The following TENM3 variants were observed in gnomAD, a reference collection of about 807,000 sequenced individuals.
TENM3 encodes teneurin transmembrane protein 3.
TENM3 carries 63 observed loss-of-function variants against 255.1 expected under a neutral mutation model. The ratio of observed to expected loss-of-function variants is 0.25; its 90% CI spans 0.20 to 0.30. TENM3 has a LOEUF of 0.30. Among genes scored for constraint, TENM3 ranks in the 10% least tolerant of loss-of-function variants. TENM3 has a pLI of 1.00. For missense variants in TENM3, 2,929 were observed against 3,461.1 expected, an observed-to-expected ratio of 0.85 and a Z score of 3.86; for synonymous variants, 1,306 against 1,322.3, an observed-to-expected ratio of 0.99 and a Z score of 0.27.
intron 3 of TENM3, among the ~76,000 whole-genome samples, chr4:182,456,280 C>T (rs892999259): frequency 2.6e-5 from 4 of 152,160 alleles, no homozygotes; most frequent in Non-Finnish European, 5.9e-5. Context: ...TCAAACAACA[C>T]AGGTTATTTT....
In TENM3 at chr4:182,332,902, A is replaced by G. The variant is rs922879879; in HGVS notation, c.232+8650A>G. Among the ~76,000 whole-genome samples, 7 of 152,176 alleles carry G rather than the reference A, an allele frequency of 4.6e-5. No homozygotes were observed. The East Asian group carries it at 5.8e-4, about 13-fold the overall frequency. The stretch of plus-strand genomic sequence containing the variant: ...ATGAGAACAAAAATAAGACATCCTA[A>G]AAAGACTGTAACAACTAAGAGGTGC... On this transcript the variant is annotated intron_variant, in intron 2 of 27. Coordinates refer to ENST00000511685, the MANE Select transcript of TENM3 (RefSeq NM_001080477.4).
intron 1 of TENM3, among the ~76,000 whole-genome samples, chr4:182,202,236 G>A (rs1464744936): frequency 1.3e-5 from 2 of 151,958 alleles, no homozygotes; most frequent in Admixed American, 6.6e-5. Context: ...ATTCTAAAAC[G>A]GATTGGAAGT....
At chr4:182,210,618 G>GTTTTTTTTTT (rs58035061) in intron 1 of TENM3, among the ~76,000 whole-genome samples, 1 of 132,288 alleles carries the variant, frequency 7.6e-6, no homozygotes, top group African/African-American at 2.8e-5. Flanking sequence ...CCCCTCTCTA[G>GTTTTTTTTTT]TTTTTTTTTT....
At chr4:182,182,514 C>A (rs1472114846) in intron 1 of TENM3, among the ~76,000 whole-genome samples, 1 of 152,158 alleles carries the variant, frequency 6.6e-6, no homozygotes, top group African/African-American at 2.4e-5. Flanking sequence ...GGTTCTGATA[C>A]AGGCATAGCG....
At chr4:181,882,861 C>T in the TENM3 span, among the ~76,000 whole-genome samples, 5 of 152,100 alleles carry the variant, frequency 3.3e-5, no homozygotes, top group African/African-American at 1.2e-4. Context: ...GAAGTAATGA[C>T]TTATAATCAT....
At chr4:181,787,542 G>A in the TENM3 span, among the ~76,000 whole-genome samples, 1 of 152,016 alleles carries the variant, frequency 6.6e-6, no homozygotes, top group African/African-American at 2.4e-5. Flanking sequence ...GTTTCACCAT[G>A]TTGGCCAGAC....
chr4:182,731,812 C>T (rs10034247), intron 16 of TENM3, among the ~76,000 whole-genome samples: 15 of 146,460 alleles, frequency 1.0e-4, no homozygotes, highest in South Asian at 8.7e-4. Context: ...GACGGAGTCT[C>T]GCTCTGTCGC....
At chr4:182,493,161 T>C (rs1735460779) in intron 3 of TENM3, among the ~76,000 whole-genome samples, 1 of 152,074 alleles carries the variant, frequency 6.6e-6, no homozygotes, top group East Asian at 1.9e-4. Context: ...TGGCCTTCTT[T>C]TGTGTGAGCT....
chr4:181,516,859 A>T, the TENM3 span, among the ~76,000 whole-genome samples: 2 of 152,136 alleles, frequency 1.3e-5, no homozygotes, highest in Non-Finnish European at 2.9e-5. Flanking sequence ...GTATTGCTTC[A>T]TTTAACACCT....
the TENM3 span, among the ~76,000 whole-genome samples, chr4:181,644,322 G>A: frequency 2.0e-5 from 3 of 152,070 alleles, no homozygotes; most frequent in African/African-American, 7.2e-5. Flanking sequence ...AGGCGGACAG[G>A]GAGGGAAACT....
the TENM3 span, among the ~76,000 whole-genome samples, chr4:181,957,394 G>T: frequency 8.5e-5 from 13 of 152,268 alleles, no homozygotes; most frequent in South Asian, 2.7e-3. Context: ...CAAAGTACAG[G>T]ATTAATTAAG....
the TENM3 span, among the ~76,000 whole-genome samples, chr4:181,862,769 C>G: frequency 6.6e-6 from 1 of 152,056 alleles, no homozygotes; most frequent in Non-Finnish European, 1.5e-5. Flanking sequence ...ATTTTGATGA[C>G]TAGACTATTA....
the TENM3 span, among the ~76,000 whole-genome samples, chr4:181,529,620 G>A: frequency 6.6e-6 from 1 of 152,082 alleles, no homozygotes; most frequent in Non-Finnish European, 1.5e-5. Flanking sequence ...AGATAAATAG[G>A]TGCTGTTAAT....
At chr4:181,513,563 C>G in the TENM3 span, among the ~76,000 whole-genome samples, 1 of 152,174 alleles carries the variant, frequency 6.6e-6, no homozygotes, top group South Asian at 2.1e-4. Flanking sequence ...ATAGTCCCAA[C>G]AAGCTTATGT....
chr4:182,557,816 T>C (rs151256725), intron 3 of TENM3, among the ~76,000 whole-genome samples: 2 of 152,280 alleles, frequency 1.3e-5, no homozygotes, highest in Admixed American at 1.3e-4. Flanking sequence ...AGGTACCCTT[T>C]ATGTGCCTCA....
the TENM3 span, among the ~76,000 whole-genome samples, chr4:181,476,345 AC>A: frequency 6.6e-6 from 1 of 151,878 alleles, no homozygotes; most frequent in Non-Finnish European, 1.5e-5. Context: ...GAGCCTGTTT[AC>A]CCATGCGGCT....
At chr4:181,980,213 G>T in the TENM3 span, 2 of 152,146 alleles carry the variant, frequency 1.3e-5, no homozygotes, top group African/African-American at 2.4e-5. Flanking sequence ...CCACAGTGTG[G>T]GTAAGGTGAT....
intron 3 of TENM3, among the ~76,000 whole-genome samples, chr4:182,549,729 T>C (rs535669700): frequency 6.6e-6 from 1 of 152,314 alleles, no homozygotes; most frequent in South Asian, 2.1e-4. Context: ...TTAGAAGAAT[T>C]GGCCTTTCTA....
the TENM3 span, among the ~76,000 whole-genome samples, chr4:181,755,048 C>T: frequency 6.6e-6 from 1 of 152,124 alleles, no homozygotes; most frequent in Non-Finnish European, 1.5e-5. Context: ...CTGTATCAGA[C>T]ATGAGGGTCA....
Sources: allele counts gnomAD v4.1 joint callset (sites outside exome capture counted in the v4.1 genomes callset), GRCh38; gene constraint gnomAD v4.1.1; transcripts MANE v1.5; gene names NCBI Gene and HGNC (gene_info 2026-07-23, HGNC 2026-07-21).